The following PAPLN variants were observed in gnomAD, a reference collection of about 807,000 sequenced individuals.
PAPLN encodes the protein papilin, proteoglycan like sulfated glycoprotein, also known as papilin.
In PAPLN, 146 loss-of-function variants were observed where a neutral mutation model predicts 159.0. That is an observed-to-expected ratio of 0.92 (90% CI 0.80 to 1.05). The LOEUF is 1.05. Among genes scored for constraint, PAPLN ranks in the 50% least tolerant of loss-of-function variants. The probability of loss-of-function intolerance (pLI) is 0.00; values close to 1 mark genes in which losing one functional copy is unlikely to be tolerated. For synonymous variants in PAPLN, 734 were observed against 702.9 expected, an observed-to-expected ratio of 1.04 and a Z score of -0.70; for missense variants, 1,720 against 1,743.9, an observed-to-expected ratio of 0.99 and a Z score of 0.24.
Position 73,245,666 on chromosome 14 carries a change from C to G in PAPLN, c.201C>G (p.Pro67=). ...ATGGAGGCTCCAGCTGCGTGGGCCCCGCCCGGAGCCACCGCTCTTGTCGCA... is the reference window on the plus strand; with the variant it reads ...ATGGAGGCTCCAGCTGCGTGGGCCCGGCCCGGAGCCACCGCTCTTGTCGCA... The part of the protein sequence containing the change: ...RRDGGSSCVG[P]ARSHRSCRTE... The change falls in exon 4 of 27, where the codon CCC becomes CCG. Residue 67 remains proline, a synonymous_variant. Transcript: ENST00000644200. This position sits in a 1 kb window ranked among gnomAD's most constrained non-coding sequence, Gnocchi z 4.2. The G allele has an allele frequency of 1.3e-6, 2 of 1,557,384 alleles. No individual in the cohort carries two copies. The highest frequency in any genetic ancestry group is 8.7e-7 in the Non-Finnish European group (1 of 1,153,358).
intron 26 of PAPLN, among the ~76,000 whole-genome samples, chr14:73,270,241 G>C (rs61986956): frequency 4.4e-3 from 672 of 152,126 alleles, no homozygotes; most frequent in Non-Finnish European, 7.5e-3. Context: ...TCCCGCACTC[G>C]TGGCGGCCCC....
At chr14:73,247,663 CGTGT>C (rs148614929) in intron 5 of PAPLN, among the ~76,000 whole-genome samples, 10 of 44,492 alleles carry the variant, frequency 2.2e-4, no homozygotes, top group African/African-American at 9.2e-4. Flanking sequence ...TGTGTGTGTG[CGTGT>C]GTGTGTGTGT....
chr14:73,237,750 A>G (rs1316475374), intron 1 of PAPLN, among the ~76,000 whole-genome samples, 158 bp downstream of exon 1: 2 of 152,082 alleles, frequency 1.3e-5, no homozygotes, highest in Non-Finnish European at 2.9e-5. Context: ...CGCTCTCCGG[A>G]GGTGGGCGCA....
intron 1 of PAPLN, 78 bp from the exon 2 acceptor site, chr14:73,239,695 C>A: frequency 6.5e-7 from 1 of 1,527,240 alleles, no homozygotes; most frequent in Non-Finnish European, 8.8e-7. Context: ...TAGGGAGAGA[C>A]GCGCCCACAC....
chr14:73,250,877 C>T (rs1445975541), intron 6 of PAPLN, 30 bp from the exon 7 acceptor site: 5 of 1,585,552 alleles, frequency 3.2e-6, no homozygotes, highest in Non-Finnish European at 3.4e-6. Context: ...ATGATGCCGT[C>T]TCCCCTGCCT....
In PAPLN at chr14:73,260,848, G is replaced by A; in HGVS notation, c.2106+19G>A. 6.7e-7 allele frequency: 1 copy of A among 1,496,882 alleles called. No individual in the cohort carries two copies. Among genetic ancestry groups the A allele is most frequent in the Non-Finnish European group, 8.9e-7 (1 of 1,128,238 alleles). 92.7% of individuals were successfully genotyped at this position (1,496,882 alleles called of 1,614,324 possible). Reference sequence around the variant, plus strand: ...TTCTACAGTAAGTGTCTGGCCTGGGGGAGGGGAGCAGGGGGCCAGCCCGTG... The same window carrying A: ...TTCTACAGTAAGTGTCTGGCCTGGGAGAGGGGAGCAGGGGGCCAGCCCGTG... On this transcript the variant is annotated intron_variant, in intron 17 of 26. Coordinates refer to ENST00000644200, the MANE Select transcript of PAPLN (RefSeq NM_001365906.3).
At chr14:73,243,376 AAG>A (rs1377119060) in intron 2 of PAPLN, 1 of 152,180 alleles carries the variant, frequency 6.6e-6, no homozygotes, top group Non-Finnish European at 1.5e-5. Context: ...GATACCCTAA[AAG>A]AAAGTCCCCT....
chr14:73,269,231 T>A (rs1413057419), intron 26 of PAPLN, among the ~76,000 whole-genome samples: 1 of 151,882 alleles, frequency 6.6e-6, no homozygotes, highest in Non-Finnish European at 1.5e-5. Flanking sequence ...AAGTGGTGTT[T>A]CCACCGGTCA....
Position 73,258,618 on chromosome 14 carries a change from T to TAAAA in PAPLN, c.1628-344_1628-341dup, listed in dbSNP as rs57126237. 5.4e-4 allele frequency among the ~76,000 whole-genome samples: 41 copies of TAAAA among 75,762 alleles called. 2 individuals carry two copies. The highest frequency in any genetic ancestry group is 1.6e-3 in the African/African-American group (30 of 18,978). 49.7% of individuals were successfully genotyped at this position (75,762 alleles called of 152,430 possible). A position where few individuals can be genotyped will look rare whatever the true frequency, so the allele number is the denominator to read the frequency against. On this transcript the variant is annotated intron_variant, in intron 14 of 26. Coordinates refer to ENST00000644200, the MANE Select transcript of PAPLN (RefSeq NM_001365906.3). ...GGGCAATATAGAAAGACCCTATCTC[T>TAAAA]AAAAAAAAAAAAAAAAAAAAGTAGT...
chr14:73,258,466 T>C (rs1886172045), intron 14 of PAPLN, among the ~76,000 whole-genome samples: 1 of 152,022 alleles, frequency 6.6e-6, no homozygotes, highest in Non-Finnish European at 1.5e-5. Context: ...TTATAGCTGG[T>C]ACTTTTTGCT....
At chr14:73,271,605 G>A (rs1395768104) in intron 26 of PAPLN, among the ~76,000 whole-genome samples, 1 of 151,930 alleles carries the variant, frequency 6.6e-6, no homozygotes, top group Non-Finnish European at 1.5e-5. Context: ...GGGTTCAAGC[G>A]ATTCTTCTGC....
At chr14:73,266,667 G>A in intron 24 of PAPLN, 39 bp downstream of exon 24, 4 of 1,614,170 alleles carry the variant, frequency 2.5e-6, no homozygotes, top group Non-Finnish European at 3.4e-6. Context: ...AGGTCAGGTG[G>A]CATGGGTAGG....
intron 11 of PAPLN, chr14:73,253,284 CT>C (rs1240072692): frequency 3.0e-6 from 4 of 1,335,314 alleles, no homozygotes; most frequent in Non-Finnish European, 4.0e-6. Flanking sequence ...ACCGCTTGGC[CT>C]TGGTGGCAGC....
intron 26 of PAPLN, among the ~76,000 whole-genome samples, chr14:73,270,597 TAACC>T (rs1357083112): frequency 6.6e-6 from 1 of 152,172 alleles, no homozygotes; most frequent in East Asian, 1.9e-4. Context: ...GTCTACATAA[TAACC>T]AAATCAAGGC....
rs1050232220 is a variant in PAPLN at position 73,269,269 on chromosome 14, A to G, written c.3667+546A>G. Among the ~76,000 whole-genome samples the G allele has an allele frequency of 4.7e-5, 7 of 149,340 alleles. No homozygotes were observed. The East Asian group carries it at 1.0e-3, about 21-fold the overall frequency. ...CCGCAAATGTGGCCTACCTGGGACTAGAGCCCATGTCTTTTGACTCCCCAT... is the reference window on the plus strand; with the variant it reads ...CCGCAAATGTGGCCTACCTGGGACTGGAGCCCATGTCTTTTGACTCCCCAT... On this transcript the variant is annotated intron_variant, in intron 26 of 26. Coordinates refer to ENST00000644200, the MANE Select transcript of PAPLN (RefSeq NM_001365906.3).
chr14:73,255,081 A>C, intron 14 of PAPLN, 63 bp downstream of exon 14: 1 of 1,552,218 alleles, frequency 6.4e-7, no homozygotes, highest in South Asian at 1.2e-5. Flanking sequence ...CTACAAACCC[A>C]GCAAGCATGT....
At chr14:73,268,470 C>G in intron 25 of PAPLN, 87 bp from the exon 26 acceptor site, 2 of 1,408,860 alleles carry the variant, frequency 1.4e-6, no homozygotes. Flanking sequence ...ACGGTTGGCT[C>G]TGGAATGGCC....
At chr14:73,248,603 A>G (rs1884876373) in intron 5 of PAPLN, among the ~76,000 whole-genome samples, 1 of 152,076 alleles carries the variant, frequency 6.6e-6, no homozygotes. Flanking sequence ...CAGGAATTTG[A>G]GACAAGCCTG....
Position 73,252,100 on chromosome 14 carries a change from G to A in PAPLN, c.926G>A (p.Ser309Asn), listed in dbSNP as rs1885344276. ...CGCCCCAGCCCCGGCTTCAGCTGGAGCCACGGCTCATGGAGTGACTGCAGC... is the reference window on the plus strand; with the variant it reads ...CGCCCCAGCCCCGGCTTCAGCTGGAACCACGGCTCATGGAGTGACTGCAGC... Reference protein sequence around the residue: ...LRRPSPGFSWSHGSWSDCSAE... With the variant: ...LRRPSPGFSWNHGSWSDCSAE... Residue 309 changes from serine (S) to asparagine (N), a missense_variant, in exon 10 of 27, where the codon AGC (serine) becomes AAC (asparagine). Physicochemically the swap from Ser to Asn is conservative, Grantham distance 46. Transcript: ENST00000644200. 6.2e-7 allele frequency: 1 copy of A among 1,610,558 alleles called. No homozygotes were observed. The highest frequency in any genetic ancestry group is 8.5e-7 in the Non-Finnish European group (1 of 1,178,686).
Sources: allele counts gnomAD v4.1 joint callset (sites outside exome capture counted in the v4.1 genomes callset), GRCh38; gene constraint gnomAD v4.1.1; non-coding constraint Gnocchi (gnomAD v3.1); transcripts MANE v1.5; gene names NCBI Gene and HGNC (gene_info 2026-07-23, HGNC 2026-07-21).